Variants in GRK5 observed in about 807,000 individuals in gnomAD.
GRK5 encodes the protein G protein-coupled receptor kinase 5.
In GRK5, 40 loss-of-function variants were observed where a neutral mutation model predicts 78.4. The ratio of observed to expected loss-of-function variants is 0.51; its 90% CI spans 0.40 to 0.66. The LOEUF (loss-of-function observed/expected upper bound fraction) is 0.66. GRK5 is among the 30% of genes least tolerant of loss of function. GRK5 has a pLI of 0.00. For missense variants in GRK5, 598 were observed against 759.9 expected (o/e 0.79, Z 2.50); for synonymous variants, 289 against 296.8 (o/e 0.97, Z 0.27).
intron 2 of GRK5, among the ~76,000 whole-genome samples, chr10:119,373,493 C>T (rs938167492): frequency 1.3e-5 from 2 of 152,196 alleles, no homozygotes; most frequent in African/African-American, 4.8e-5. Flanking sequence ...TCTGTCTTGC[C>T]TGCCACCATG....
intron 2 of GRK5, chr10:119,333,938 G>A (rs910370767): frequency 1.8e-4 from 84 of 472,158 alleles, no homozygotes; most frequent in African/African-American, 6.9e-4. Flanking sequence ...AGGAAGTGGC[G>A]TCCCTCCTGG....
At chr10:119,408,025 T>G (rs1295808263) in intron 4 of GRK5, among the ~76,000 whole-genome samples, 3 of 151,588 alleles carry the variant, frequency 2.0e-5, no homozygotes, top group Non-Finnish European at 4.4e-5. Context: ...TAACCGGGCG[T>G]GGTGGTGGAT....
At chr10:119,244,522 A>G (rs762091476) in intron 1 of GRK5, among the ~76,000 whole-genome samples, 1 of 152,254 alleles carries the variant, frequency 6.6e-6, no homozygotes, top group Non-Finnish European at 1.5e-5. Flanking sequence ...ATGCAAATCA[A>G]AACCTCAATG....
chr10:119,454,569 C>T (rs1853364299), intron 15 of GRK5, among the ~76,000 whole-genome samples: 1 of 152,224 alleles, frequency 6.6e-6, no homozygotes, highest in South Asian at 2.1e-4. Context: ...TATGAGGCCC[C>T]ATTGTATCCT....
At chr10:119,396,166 A>G (rs932701007) in intron 3 of GRK5, among the ~76,000 whole-genome samples, 3 of 152,216 alleles carry the variant, frequency 2.0e-5, no homozygotes, top group African/African-American at 7.2e-5. Flanking sequence ...CTGTATAATC[A>G]GTGTATACCT....
intron 10 of GRK5, among the ~76,000 whole-genome samples, chr10:119,441,059 C>T (rs189310444): frequency 6.6e-5 from 10 of 152,334 alleles, no homozygotes; most frequent in African/African-American, 1.7e-4. Context: ...GGGGAGAAAC[C>T]GGGTCGCTGA....
chr10:119,323,031 G>A (rs1207421895), intron 1 of GRK5, among the ~76,000 whole-genome samples: 2 of 152,240 alleles, frequency 1.3e-5, no homozygotes, highest in African/African-American at 4.8e-5. Context: ...AGGACATTAC[G>A]CTAAGTGAAA....
In GRK5 at chr10:119,378,436, C is replaced by A. The variant is rs547661286; in HGVS notation, c.149-2379C>A. Among the ~76,000 whole-genome samples the A allele has an allele frequency of 1.6e-4, 24 of 152,204 alleles. No homozygotes were observed. The highest frequency in any genetic ancestry group is 1.3e-4 in the Admixed American group (2 of 15,278). On this transcript the variant is annotated intron_variant, in intron 2 of 15. Coordinates refer to ENST00000392870, the MANE Select transcript of GRK5 (RefSeq NM_005308.3). This position sits in a 1 kb window ranked among gnomAD's most constrained non-coding sequence, Gnocchi z 4.5. ...AATACTCACTCGGGAGAGAATGAAA[C>A]GTTTTAGAGTGCCTTCTTCAACATA... is the stretch of plus-strand genomic sequence containing the variant.
At chr10:119,355,078 A>C (rs567005425) in intron 2 of GRK5, among the ~76,000 whole-genome samples, 31 of 152,320 alleles carry the variant, frequency 2.0e-4, no homozygotes, top group African/African-American at 7.0e-4. Context: ...GTTCAATGTA[A>C]ATGCTATATA....
chr10:119,387,019 A>C (rs1313386601), intron 3 of GRK5, among the ~76,000 whole-genome samples: 2 of 150,336 alleles, frequency 1.3e-5, no homozygotes, highest in African/African-American at 2.4e-5. Flanking sequence ...TTTTTTTTTA[A>C]TTTGAGACAG....
intron 1 of GRK5, among the ~76,000 whole-genome samples, chr10:119,256,551 G>C (rs899872732): frequency 6.6e-6 from 1 of 152,108 alleles, no homozygotes; most frequent in African/African-American, 2.4e-5. Flanking sequence ...TGGGTACATG[G>C]AGTGGGAAGG....
At chr10:119,276,031 GA>G (rs1589716964) in intron 1 of GRK5, among the ~76,000 whole-genome samples, 1 of 152,314 alleles carries the variant, frequency 6.6e-6, no homozygotes, top group East Asian at 1.9e-4. Context: ...CTGTTTGCCA[GA>G]TTAAAGTTTC....
chr10:119,425,002 C>T lies in GRK5; in HGVS notation c.450C>T (p.His150=), dbSNP rs751094265. Reference sequence around the variant, plus strand: ...GTTCCATCTGCACTAGGTCTGTCCACGAGTACCTGAGGGGAGAACCATTCC... The same window carrying T: ...GTTCCATCTGCACTAGGTCTGTCCATGAGTACCTGAGGGGAGAACCATTCC... ...ELFSACAQSV[H]EYLRGEPFHE... is the part of the protein sequence containing the mutation. The change falls in exon 6 of 16, where the codon CAC becomes CAT. Residue 150 remains histidine, a synonymous_variant. Coordinates refer to ENST00000392870, the MANE Select transcript of GRK5 (RefSeq NM_005308.3). 1.4e-5 allele frequency: 23 copies of T among 1,610,604 alleles called. No individual in the cohort carries two copies. Among genetic ancestry groups the T allele is most frequent in the African/African-American group, 2.7e-5 (2 of 74,800 alleles).
chr10:119,326,992 A>G (rs1237095409), intron 2 of GRK5, among the ~76,000 whole-genome samples: 1 of 152,188 alleles, frequency 6.6e-6, no homozygotes, highest in African/African-American at 2.4e-5. Context: ...GGCCAGGCCC[A>G]ACACAGAGCC....
chr10:119,342,467 A>G (rs991346236), intron 2 of GRK5, among the ~76,000 whole-genome samples: 34 of 152,162 alleles, frequency 2.2e-4, no homozygotes, highest in Admixed American at 5.9e-4. Context: ...TGTTGCAAGG[A>G]TTGAGTGAAG....
At chr10:119,211,833 A>C (rs1564849832) in intron 1 of GRK5, 1 of 152,268 alleles carries the variant, frequency 6.6e-6, no homozygotes, top group African/African-American at 2.4e-5. Flanking sequence ...TGCGTGGGGC[A>C]GGCTATGGCG....
intron 3 of GRK5, among the ~76,000 whole-genome samples, chr10:119,390,466 G>A (rs1851872042): frequency 6.6e-6 from 1 of 152,138 alleles, no homozygotes; most frequent in African/African-American, 2.4e-5. Flanking sequence ...AGGCCAAGAT[G>A]GGCAGATCAT....
chr10:119,212,494 C>T (rs980479139), intron 1 of GRK5, among the ~76,000 whole-genome samples: 9 of 152,178 alleles, frequency 5.9e-5, no homozygotes, highest in African/African-American at 1.4e-4. Context: ...CCAGAATGCC[C>T]AAGTGAATTT....
intron 1 of GRK5, among the ~76,000 whole-genome samples, chr10:119,260,023 G>A (rs1849347360): frequency 1.3e-5 from 2 of 150,788 alleles, no homozygotes; most frequent in South Asian, 2.1e-4. Context: ...TTTTTGAGAC[G>A]GAGTCTCCCT....
Sources: allele counts gnomAD v4.1 joint callset (sites outside exome capture counted in the v4.1 genomes callset), GRCh38; gene constraint gnomAD v4.1.1; non-coding constraint Gnocchi (gnomAD v3.1); transcripts MANE v1.5; gene names NCBI Gene and HGNC (gene_info 2026-07-23, HGNC 2026-07-21).